Variants in NTRK3 observed in about 807,000 individuals in gnomAD.
The protein encoded by NTRK3 is neurotrophic receptor tyrosine kinase 3.
NTRK3 carries 24 observed loss-of-function variants against 91.7 expected under a neutral mutation model. That is an observed-to-expected ratio of 0.26 (90% confidence interval 0.19 to 0.37). The LOEUF (loss-of-function observed/expected upper bound fraction) is 0.37. NTRK3 is among the 10% of genes least tolerant of loss of function. The probability of loss-of-function intolerance (pLI) is 1.00; values close to 1 mark genes in which losing one functional copy is unlikely to be tolerated. For missense variants in NTRK3, 880 were observed against 1,068.9 expected (o/e 0.82, Z 2.46); for synonymous variants, 483 against 404.0 (o/e 1.20, Z -2.34).
exon 19 of NTRK3, chr15:87,862,588 CA>C: frequency 4.4e-6 from 1 of 226,266 alleles, no homozygotes; most frequent in Non-Finnish European, 8.8e-6. Context: ...AAGATGCTGA[CA>C]ATTAGTTAAG....
intron 3 of NTRK3, among the ~76,000 whole-genome samples, chr15:88,218,308 T>C (rs12591252): frequency 0.83 from 125,709 of 152,130 alleles, 52,649 homozygotes; most frequent in East Asian, 0.99. Context: ...GACTTCTCCA[T>C]GCAGCTACGG....
chr15:87,894,442 C>T (rs2066004626), intron 17 of NTRK3, among the ~76,000 whole-genome samples: 3 of 152,186 alleles, frequency 2.0e-5, no homozygotes, highest in Admixed American at 2.0e-4. Context: ...TGTGACAATG[C>T]ATGTGCATCG....
intron 5 of NTRK3, among the ~76,000 whole-genome samples, chr15:88,156,490 C>A (rs1324301052): frequency 6.6e-6 from 1 of 151,990 alleles, no homozygotes. Context: ...CCCTAGCTAA[C>A]CCTAAAAACC....
At chr15:87,914,815 G>A (rs2067329207) in intron 17 of NTRK3, among the ~76,000 whole-genome samples, 1 of 152,220 alleles carries the variant, frequency 6.6e-6, no homozygotes, top group Non-Finnish European at 1.5e-5. Flanking sequence ...TGACTCAATG[G>A]AGGAAGGCAA....
At chr15:87,860,902 C>T (rs955763073) in exon 19 of NTRK3, 5 of 221,924 alleles carry the variant, frequency 2.3e-5, no homozygotes, top group South Asian at 1.8e-4. Context: ...GTTGAAAGCA[C>T]CTCAACTGCT....
intron 13 of NTRK3, among the ~76,000 whole-genome samples, chr15:88,084,725 G>T (rs1210084338): frequency 6.6e-6 from 1 of 152,198 alleles, no homozygotes; most frequent in African/African-American, 2.4e-5. Flanking sequence ...CAGTAGAGCT[G>T]AAGGTTACCA....
At position 87,975,897 on chromosome 15, in the gene NTRK3, A is replaced by G. The variant is rs549597396; in HGVS notation, c.1586-35144T>C. The stretch of plus-strand genomic sequence containing the variant: ...AAGAACTCCCTCACTTCCTTGCCCT[A>G]TCACCTTGAAAAGACATTCCACATC... On this transcript the variant is annotated intron_variant, in intron 14 of 18. Transcript: ENST00000394480. 2.6e-5 allele frequency among the ~76,000 whole-genome samples: 4 copies of G among 152,254 alleles called. No homozygotes were observed. The East Asian group carries it at 7.7e-4, about 29-fold the overall frequency.
intron 6 of NTRK3, among the ~76,000 whole-genome samples, chr15:88,141,390 T>C (rs1426496569): frequency 6.6e-6 from 1 of 152,220 alleles, no homozygotes; most frequent in Non-Finnish European, 1.5e-5. Flanking sequence ...CCAGATGAGC[T>C]GCCCAGTGTA....
At chr15:88,256,693 A>G (rs1227016049) in exon 1 of NTRK3, 4 of 387,192 alleles carry the variant, frequency 1.0e-5, no homozygotes, top group Non-Finnish European at 1.8e-5. Context: ...GAGCTGCAGC[A>G]GCCGCCGCGA....
chr15:88,110,619 T>G (rs12148667), intron 13 of NTRK3, among the ~76,000 whole-genome samples: 91,105 of 151,972 alleles, frequency 0.6, 28,214 homozygotes, highest in African/African-American at 0.75. Context: ...AACAGTCTAC[T>G]TGGAGAGGCA....
chr15:87,913,945 C>T (rs754945973), intron 17 of NTRK3, among the ~76,000 whole-genome samples: 10 of 152,096 alleles, frequency 6.6e-5, no homozygotes, highest in Non-Finnish European at 1.3e-4. Context: ...AAAGAATGAG[C>T]CTTGGAACTG....
At chr15:87,903,425 C>G (rs1389956495) in intron 17 of NTRK3, among the ~76,000 whole-genome samples, 3 of 152,160 alleles carry the variant, frequency 2.0e-5, no homozygotes, top group Non-Finnish European at 4.4e-5. Context: ...CATCATCTTC[C>G]CTGTAGCTCC....
intron 13 of NTRK3, among the ~76,000 whole-genome samples, chr15:88,047,855 C>A (rs928185962): frequency 6.6e-6 from 1 of 152,120 alleles, no homozygotes; most frequent in Admixed American, 6.5e-5. Context: ...ACTTAGGCCT[C>A]CTGTGTGTGG....
chr15:88,145,107 C>A (rs576050314), intron 6 of NTRK3, among the ~76,000 whole-genome samples: 12 of 152,148 alleles, frequency 7.9e-5, no homozygotes, highest in Non-Finnish European at 1.6e-4. Flanking sequence ...ATCGAGCAGA[C>A]CCTGGCAGTC....
intron 13 of NTRK3, among the ~76,000 whole-genome samples, chr15:88,035,849 A>G (rs1237665479): frequency 6.6e-6 from 1 of 152,228 alleles, no homozygotes; most frequent in Non-Finnish European, 1.5e-5. Flanking sequence ...AATATTTAAA[A>G]CGTGAACAAT....
chr15:87,874,585 CA>C (rs1291882057), exon 19 of NTRK3: 1 of 232,918 alleles, frequency 4.3e-6, no homozygotes, highest in Non-Finnish European at 8.5e-6. Flanking sequence ...AACACACAGC[CA>C]AGAAGACAGA....
At chr15:88,061,177 T>C (rs890668241) in intron 13 of NTRK3, among the ~76,000 whole-genome samples, 7 of 151,690 alleles carry the variant, frequency 4.6e-5, no homozygotes, top group Non-Finnish European at 1.0e-4. Context: ...CCCAACCAAC[T>C]AAAAGAAAAA....
intron 4 of NTRK3, 62 bp downstream of exon 4, chr15:88,184,163 C>T: frequency 6.5e-7 from 1 of 1,543,404 alleles, no homozygotes; most frequent in Non-Finnish European, 8.9e-7. Context: ...CCCCAGAAGG[C>T]AGACCAGGTG....
chr15:88,065,925 G>A (rs1485710422), intron 13 of NTRK3, among the ~76,000 whole-genome samples: 3 of 152,118 alleles, frequency 2.0e-5, no homozygotes, highest in Non-Finnish European at 4.4e-5. Context: ...GAGAGACCTT[G>A]ATTTACAGAG....
Sources: gnomAD v4.1 joint callset for allele counts (sites outside exome capture counted in the v4.1 genomes callset) on GRCh38, gnomAD v4.1.1 for gene constraint, MANE v1.5 for transcripts, NCBI Gene and HGNC (gene_info 2026-07-23, HGNC 2026-07-21) for gene names.